KDM4C: variants seen among roughly 807,000 people sequenced by gnomAD.
The protein encoded by KDM4C is lysine-specific demethylase 4C.
Under a neutral mutation model 129.3 loss-of-function variants are expected in KDM4C, and 81 were observed. The ratio of observed to expected loss-of-function variants is 0.63; its 90% confidence interval spans 0.52 to 0.75. KDM4C has a LOEUF of 0.75. Ranked by LOEUF, KDM4C falls within the 30% of genes least tolerant of loss-of-function variation. KDM4C has a pLI of 0.00. For missense variants in KDM4C, 1,457 were observed against 1,304.0 expected (o/e 1.12, Z -1.81); for synonymous variants, 573 against 456.1 (o/e 1.26, Z -3.26).
At chr9:6,906,984 A>G (rs1046128080) in intron 8 of KDM4C, among the ~76,000 whole-genome samples, 4 of 152,216 alleles carry the variant, frequency 2.6e-5, no homozygotes, top group Non-Finnish European at 5.9e-5. Flanking sequence ...AGGATTCTAG[A>G]AACTATTCTC....
chr9:6,928,296 G>C (rs1427687277), intron 8 of KDM4C, among the ~76,000 whole-genome samples: 1 of 152,176 alleles, frequency 6.6e-6, no homozygotes, highest in Non-Finnish European at 1.5e-5. Flanking sequence ...AAAGAGCTCT[G>C]TCCTGAACTC....
intron 8 of KDM4C, among the ~76,000 whole-genome samples, chr9:6,939,963 TAC>T (rs1825560136): frequency 1.5e-5 from 2 of 130,866 alleles, no homozygotes; most frequent in African/African-American, 5.5e-5. Context: ...ATAACCAACC[TAC>T]CTACCTACCT....
intron 15 of KDM4C, among the ~76,000 whole-genome samples, chr9:7,046,298 C>T (rs1829381290): frequency 6.6e-6 from 1 of 151,910 alleles, no homozygotes; most frequent in East Asian, 1.9e-4. Flanking sequence ...GGCCGGATAG[C>T]TGGGGTTGAT....
At chr9:7,024,781 C>G (rs1363452150) in intron 15 of KDM4C, among the ~76,000 whole-genome samples, 1 of 152,140 alleles carries the variant, frequency 6.6e-6, no homozygotes, top group Non-Finnish European at 1.5e-5. Flanking sequence ...GTGAATAGTG[C>G]TGCAATAAAC....
At chr9:6,902,720 A>C (rs922270200) in intron 8 of KDM4C, 1 of 152,220 alleles carries the variant, frequency 6.6e-6, no homozygotes, top group Non-Finnish European at 1.5e-5. Flanking sequence ...TGAGGTGCTG[A>C]GAAACAGTGT....
chr9:7,110,643 T>C (rs1564130813), intron 18 of KDM4C, among the ~76,000 whole-genome samples: 1 of 152,202 alleles, frequency 6.6e-6, no homozygotes, highest in Non-Finnish European at 1.5e-5. Flanking sequence ...ACAGGGGGCC[T>C]CTGCTTTTCT....
intron 8 of KDM4C, chr9:6,941,960 C>G (rs1459980433): frequency 6.6e-6 from 1 of 152,158 alleles, no homozygotes; most frequent in South Asian, 2.1e-4. Context: ...GTTTGAGTAT[C>G]ACAAGATTTC....
upstream of KDM4C, among the ~76,000 whole-genome samples, chr9:6,753,101 C>T (rs1195102148): frequency 6.6e-6 from 1 of 152,202 alleles, no homozygotes; most frequent in Non-Finnish European, 1.5e-5. Flanking sequence ...TCTCCTTCTA[C>T]CCCAATGGAT....
chr9:7,140,933 C>G (rs1587840379), intron 19 of KDM4C, among the ~76,000 whole-genome samples: 1 of 152,164 alleles, frequency 6.6e-6, no homozygotes. Context: ...GAATGAAGAT[C>G]TGTAAGGTGA....
chr9:7,016,787 G>C (rs545357076), intron 15 of KDM4C, among the ~76,000 whole-genome samples: 1 of 152,134 alleles, frequency 6.6e-6, no homozygotes, highest in African/African-American at 2.4e-5. Flanking sequence ...TCAATTTATC[G>C]TGTCCACATT....
intron 19 of KDM4C, among the ~76,000 whole-genome samples, chr9:7,140,050 G>T (rs1456738839): frequency 2.6e-5 from 4 of 152,222 alleles, no homozygotes; most frequent in Non-Finnish European, 5.9e-5. Flanking sequence ...TACTTCTGGG[G>T]CATTGCATTC....
chr9:6,853,341 A>T (rs775474470), intron 5 of KDM4C, among the ~76,000 whole-genome samples: 1 of 151,992 alleles, frequency 6.6e-6, no homozygotes, highest in Non-Finnish European at 1.5e-5. Context: ...AAAATAAGAA[A>T]ATTAGCCGGT....
chr9:7,132,573 T>C (rs1840758331), intron 19 of KDM4C, among the ~76,000 whole-genome samples: 1 of 152,122 alleles, frequency 6.6e-6, no homozygotes, highest in Non-Finnish European at 1.5e-5. Flanking sequence ...TAATAAAAGG[T>C]GTATTATTAC....
At chr9:7,148,188 A>G (rs983935200) in intron 19 of KDM4C, among the ~76,000 whole-genome samples, 10 of 152,230 alleles carry the variant, frequency 6.6e-5, no homozygotes, top group Admixed American at 6.5e-4. Context: ...GGTGGCGCCC[A>G]AAAGCTTGGA....
At chr9:6,966,486 T>A (rs10815496) in intron 8 of KDM4C, among the ~76,000 whole-genome samples, 40,688 of 152,234 alleles carry the variant, frequency 0.27, 6,800 homozygotes, top group East Asian at 0.61. Context: ...TTAATACTTT[T>A]ATGTAACATT....
chr9:7,013,325 A>T lies in KDM4C; in HGVS notation c.1969-463A>T, dbSNP rs781670023. 5.1e-4 allele frequency among the ~76,000 whole-genome samples: 78 copies of T among 152,296 alleles called. No individual in the cohort carries two copies. The Middle Eastern group carries it at 0.01, about 20-fold the overall frequency. ...TAGTGACATGTGCCAGTTCTCTCTCACTTGCTTTCAAATACTGCAAGTGAT... is the reference window on the plus strand; with the variant it reads ...TAGTGACATGTGCCAGTTCTCTCTCTCTTGCTTTCAAATACTGCAAGTGAT... On this transcript the variant is annotated intron_variant, in intron 13 of 21. Transcript: ENST00000381309.
intron 8 of KDM4C, among the ~76,000 whole-genome samples, chr9:6,932,424 G>C (rs190403591): frequency 2.8e-4 from 43 of 152,272 alleles, no homozygotes; most frequent in Admixed American, 1.8e-3. Context: ...CTCCCACCTT[G>C]TTGTGGGCCC....
At chr9:7,082,186 A>G (rs1415129299) in intron 17 of KDM4C, among the ~76,000 whole-genome samples, 1 of 152,180 alleles carries the variant, frequency 6.6e-6, no homozygotes, top group Non-Finnish European at 1.5e-5. Flanking sequence ...TACTCAGGAA[A>G]GGCTTAAATT....
chr9:7,162,831 C>T (rs750145592), intron 19 of KDM4C, among the ~76,000 whole-genome samples: 3 of 151,986 alleles, frequency 2.0e-5, no homozygotes, highest in Non-Finnish European at 4.4e-5. Flanking sequence ...TTTCCTGAGG[C>T]GTTGACTTGC....
Sources: gnomAD v4.1 joint callset for allele counts (sites outside exome capture counted in the v4.1 genomes callset) on GRCh38, gnomAD v4.1.1 for gene constraint, MANE v1.5 for transcripts, NCBI Gene and HGNC (gene_info 2026-07-23, HGNC 2026-07-21) for gene names.